The following AUH variants were observed in gnomAD, a reference collection of about 807,000 sequenced individuals.
AUH encodes the protein AU RNA binding methylglutaconyl-CoA hydratase.
AUH carries 29 observed loss-of-function variants against 42.3 expected under a neutral mutation model. The observed-to-expected ratio is 0.69, with a 90% confidence interval of 0.51 to 0.93. The LOEUF (loss-of-function observed/expected upper bound fraction) is 0.93. Among genes scored for constraint, AUH ranks in the 40% least tolerant of loss-of-function variants. The pLI, the probability that AUH is intolerant of heterozygous loss-of-function variation, is 0.00. For missense variants in AUH, 452 were observed against 438.1 expected (o/e 1.03, Z -0.28); for synonymous variants, 174 against 166.4 (o/e 1.05, Z -0.35).
chr9:91,249,203 G>C (rs577263352), intron 6 of AUH, among the ~76,000 whole-genome samples: 1 of 149,774 alleles, frequency 6.7e-6, no homozygotes, highest in African/African-American at 2.5e-5. Context: ...GGGCTAAGGT[G>C]GGGGGATCAC....
intron 6 of AUH, among the ~76,000 whole-genome samples, chr9:91,290,748 A>T (rs1048704727): frequency 1.3e-5 from 2 of 152,130 alleles, no homozygotes; most frequent in Non-Finnish European, 2.9e-5. Context: ...ATCAAACCAA[A>T]CACTGCTCTC....
At chr9:91,224,259 GGAGA>G (rs1827305257) in intron 6 of AUH, among the ~76,000 whole-genome samples, 1 of 152,120 alleles carries the variant, frequency 6.6e-6, no homozygotes, top group Non-Finnish European at 1.5e-5. Context: ...TATTGTCTTT[GGAGA>G]AATGTCTATT....
chr9:91,232,267 G>A (rs559207821), intron 6 of AUH, among the ~76,000 whole-genome samples: 6 of 152,090 alleles, frequency 3.9e-5, no homozygotes, highest in Non-Finnish European at 8.8e-5. Context: ...TGCTGACTAC[G>A]GAGGCTGAGG....
rs754800333 is a variant in AUH at position 91,282,855 on chromosome 9, G to A, written c.655+13166C>T. ...AACCAAAAAAAGTCCAGGACCAGAC[G>A]GATTCACAGCCAAATTCTACCAAAG... is the stretch of plus-strand genomic sequence containing the variant. On this transcript the variant is annotated intron_variant, in intron 6 of 9. Coordinates refer to ENST00000375731, the MANE Select transcript of AUH (RefSeq NM_001698.3). Among the ~76,000 whole-genome samples the A allele has an allele frequency of 6.6e-4, 101 of 152,170 alleles. 1 individual carries two copies. The highest frequency in any genetic ancestry group is 1.2e-3 in the Non-Finnish European group (81 of 68,008).
chr9:91,292,450 T>C (rs1187201557), intron 6 of AUH, among the ~76,000 whole-genome samples: 1 of 151,934 alleles, frequency 6.6e-6, no homozygotes, highest in Non-Finnish European at 1.5e-5. Flanking sequence ...GGCTAATTCT[T>C]CTATTTTTAG....
Position 91,361,726 on chromosome 9 carries a change from A to C in AUH, c.164T>G (p.Val55Gly), listed in dbSNP as rs1832875680. ...CGGGGCGGGACCCCCGGCCGCAGGT[A>C]CCCAGCCCTGGGCCCAGATCGCCGG... ...AGPAIWAQGW[V>G]PAAGGPAPKR... Residue 55 changes from valine to glycine, a missense_variant, in exon 1 of 10, where the codon GTA becomes GGA. By Grantham distance (109) the Val-to-Gly change is moderately radical (BLOSUM62 -3). Transcript: ENST00000375731. 6.5e-7 allele frequency: 1 copy of C among 1,549,178 alleles called. No individual in the cohort carries two copies. Among genetic ancestry groups the C allele is most frequent in the Non-Finnish European group, 8.7e-7 (1 of 1,146,924 alleles).
At chr9:91,305,825 C>A (rs1828174664) in intron 4 of AUH, among the ~76,000 whole-genome samples, 1 of 152,150 alleles carries the variant, frequency 6.6e-6, no homozygotes, top group Admixed American at 6.5e-5. Context: ...CACAGGCTGT[C>A]TGGTTTCAGG....
chr9:91,313,944 C>T (rs1828934716), intron 4 of AUH, among the ~76,000 whole-genome samples: 1 of 151,480 alleles, frequency 6.6e-6, no homozygotes, highest in African/African-American at 2.4e-5. Context: ...GTGCCTCAGC[C>T]TCCTGAGTAG....
intron 6 of AUH, among the ~76,000 whole-genome samples, chr9:91,265,407 C>A (rs529801270): frequency 5.3e-5 from 8 of 151,074 alleles, no homozygotes; most frequent in African/African-American, 1.9e-4. Flanking sequence ...TTTGTAATAT[C>A]ATTGTTTCTG....
At chr9:91,324,232 G>A (rs1039219334) in intron 4 of AUH, among the ~76,000 whole-genome samples, 2 of 152,186 alleles carry the variant, frequency 1.3e-5, no homozygotes, top group African/African-American at 4.8e-5. Flanking sequence ...GCTGAGTAAT[G>A]TGGCTCATGC....
intron 4 of AUH, among the ~76,000 whole-genome samples, chr9:91,324,038 T>C (rs568956536): frequency 4.7e-4 from 71 of 152,222 alleles, no homozygotes; most frequent in Middle Eastern, 6.8e-3. Context: ...CCTAGCATCA[T>C]CTAGATATTA....
intron 1 of AUH, 26 bp downstream of exon 1, chr9:91,361,602 G>A: frequency 6.4e-7 from 1 of 1,567,202 alleles, no homozygotes; most frequent in Non-Finnish European, 8.6e-7. Flanking sequence ...CCGCTGCCCC[G>A]CGCCTGCCCA....
chr9:91,319,395 GGCTCCCCACAAAAT>G (rs1467515965), intron 4 of AUH, among the ~76,000 whole-genome samples: 1 of 152,110 alleles, frequency 6.6e-6, no homozygotes, highest in Non-Finnish European at 1.5e-5. Context: ...AGTTGGAAAG[GGCTCCCCACAAAAT>G]ACACACACCA....
chr9:91,236,539 G>C (rs1828194308), intron 6 of AUH, among the ~76,000 whole-genome samples: 1 of 152,170 alleles, frequency 6.6e-6, no homozygotes, highest in Non-Finnish European at 1.5e-5. Context: ...GGAAATGATT[G>C]AGAGTGAGTG....
Position 91,214,249 on chromosome 9 carries a change from G to T in AUH, c.*99C>A. The stretch of plus-strand genomic sequence containing the variant: ...GTATGAATAATCTGCTCTTCACTTT[G>T]GTCATTAAGGTTCCATGTGCTGAGG... On this transcript the variant is annotated 3_prime_UTR_variant, in exon 10 of 10. Coordinates refer to ENST00000375731, the MANE Select transcript of AUH (RefSeq NM_001698.3). 1 of 983,304 alleles carries T rather than the reference G, an allele frequency of 1.0e-6. No individual in the cohort carries two copies. The highest frequency in any genetic ancestry group is 1.6e-6 in the Non-Finnish European group (1 of 636,048). The allele number at this position is 983,304 out of a possible 1,614,324, so 60.9% of individuals were successfully genotyped here. A position where few individuals can be genotyped will look rare whatever the true frequency, so the allele number is the denominator to read the frequency against.
intron 3 of AUH, among the ~76,000 whole-genome samples, chr9:91,329,274 AC>A (rs1262233211): frequency 1.3e-5 from 2 of 151,734 alleles, no homozygotes; most frequent in Admixed American, 6.6e-5. Flanking sequence ...GCTAGGTCAT[AC>A]TGTAAATTTT....
intron 3 of AUH, among the ~76,000 whole-genome samples, chr9:91,332,845 G>A (rs1342025979): frequency 5.3e-5 from 8 of 152,330 alleles, no homozygotes; most frequent in Admixed American, 2.0e-4. Context: ...AGCATGGCCC[G>A]AGGGCAGAGT....
intron 4 of AUH, among the ~76,000 whole-genome samples, chr9:91,309,900 G>C (rs1348846120): frequency 1.3e-5 from 2 of 152,024 alleles, no homozygotes; most frequent in Non-Finnish European, 2.9e-5. Flanking sequence ...TTTCATTCCA[G>C]CCTCTAAATA....
intron 6 of AUH, among the ~76,000 whole-genome samples, chr9:91,288,006 T>G (rs1331540218): frequency 2.0e-5 from 3 of 152,008 alleles, no homozygotes; most frequent in Non-Finnish European, 1.5e-5. Context: ...AATGTGTGTT[T>G]TACTGCTATT....
Sources: gnomAD v4.1 joint callset for allele counts (sites outside exome capture counted in the v4.1 genomes callset) on GRCh38, gnomAD v4.1.1 for gene constraint, MANE v1.5 for transcripts, NCBI Gene and HGNC (gene_info 2026-07-23, HGNC 2026-07-21) for gene names.